The following MACROD2 variants were observed in gnomAD, a reference collection of about 807,000 sequenced individuals.
The protein encoded by MACROD2 is mono-ADP ribosylhydrolase 2.
MACROD2 carries 36 observed loss-of-function variants against 70.4 expected under a neutral mutation model. That is an observed-to-expected ratio of 0.51 (90% CI 0.39 to 0.68). The LOEUF (loss-of-function observed/expected upper bound fraction) is 0.68, where lower values mean the gene tolerates loss of function less well. MACROD2 is among the 30% of genes least tolerant of loss of function. The pLI, the probability that MACROD2 is intolerant of heterozygous loss-of-function variation, is 0.00. For missense variants in MACROD2, 496 were observed against 538.4 expected (o/e 0.92, Z 0.78); for synonymous variants, 172 against 178.8 (o/e 0.96, Z 0.30).
At chr20:14,673,255 G>T (rs1477552222) in intron 4 of MACROD2, among the ~76,000 whole-genome samples, 1 of 152,166 alleles carries the variant, frequency 6.6e-6, no homozygotes, top group African/African-American at 2.4e-5. Context: ...ATGAGAGTCA[G>T]GACTCATGGT....
chr20:14,250,757 A>T (rs1457803026), intron 3 of MACROD2, among the ~76,000 whole-genome samples: 1 of 152,118 alleles, frequency 6.6e-6, no homozygotes, highest in African/African-American at 2.4e-5. Flanking sequence ...GATAATAATA[A>T]CAGTAATGAC....
intron 8 of MACROD2, among the ~76,000 whole-genome samples, chr20:15,747,027 G>A (rs1264279700): frequency 6.6e-6 from 1 of 152,086 alleles, no homozygotes; most frequent in Non-Finnish European, 1.5e-5. Context: ...TGCTAAGAAA[G>A]TTCTAAACAA....
At chr20:15,211,603 C>G (rs561128045) in intron 5 of MACROD2, among the ~76,000 whole-genome samples, 2 of 152,194 alleles carry the variant, frequency 1.3e-5, no homozygotes, top group East Asian at 1.9e-4. Flanking sequence ...CTTCCTCACT[C>G]TCTTGCTCTG....
At chr20:15,655,549 A>T (rs1412969818) in intron 8 of MACROD2, among the ~76,000 whole-genome samples, 2 of 152,200 alleles carry the variant, frequency 1.3e-5, no homozygotes, top group African/African-American at 4.8e-5. Flanking sequence ...ATTTGAAAGA[A>T]GTAATTCACA....
At position 15,892,847 on chromosome 20, in the gene MACROD2, A is replaced by G. The variant is rs1038894773; in HGVS notation, c.775+7036A>G. ...GCGTGTGTGTAGGTTTACTAAGAAGAAAACATTTTTAAATTTCACATAATT... is the reference window on the plus strand; with the variant it reads ...GCGTGTGTGTAGGTTTACTAAGAAGGAAACATTTTTAAATTTCACATAATT... On this transcript the variant is annotated intron_variant, in intron 10 of 17. Transcript: ENST00000684519. 4.4e-4 allele frequency: 176 copies of G among 397,720 alleles called. 1 individual carries two copies. In the East Asian group the frequency reaches 6.3e-3, roughly 14 times the overall value. 24.6% of individuals were successfully genotyped at this position (397,720 alleles called of 1,614,324 possible).
chr20:14,053,078 C>CTTTTT (rs202236012), intron 2 of MACROD2: 1 of 131,060 alleles, frequency 7.6e-6, no homozygotes, highest in Non-Finnish European at 1.6e-5. Flanking sequence ...TTCTCCTCTT[C>CTTTTT]TTTTTTTTTT....
At chr20:14,072,321 G>A (rs2053856057) in intron 2 of MACROD2, among the ~76,000 whole-genome samples, 2 of 152,038 alleles carry the variant, frequency 1.3e-5, no homozygotes, top group South Asian at 4.2e-4. Context: ...GAAGAGATAG[G>A]ACTTAGACAG....
At chr20:15,653,078 A>G (rs560453572) in intron 8 of MACROD2, among the ~76,000 whole-genome samples, 2 of 152,268 alleles carry the variant, frequency 1.3e-5, no homozygotes, top group Admixed American at 1.3e-4. Context: ...ACAAGTACAA[A>G]TTTCTAATTT....
At chr20:15,977,461 T>C (rs2066324339) in intron 13 of MACROD2, among the ~76,000 whole-genome samples, 1 of 152,214 alleles carries the variant, frequency 6.6e-6, no homozygotes, top group South Asian at 2.1e-4. Context: ...CAGGGTTCTC[T>C]GCAACAAATA....
At chr20:14,716,728 A>G (rs2123674455) in intron 5 of MACROD2, among the ~76,000 whole-genome samples, 1 of 152,182 alleles carries the variant, frequency 6.6e-6, no homozygotes, top group Middle Eastern at 3.4e-3. Flanking sequence ...GAAGTGGGTA[A>G]AAAAAATGTG....
chr20:15,184,044 A>G (rs79964807), intron 5 of MACROD2, among the ~76,000 whole-genome samples: 3,882 of 152,270 alleles, frequency 0.025, 69 homozygotes, highest in Non-Finnish European at 0.037. Context: ...ATCAGATGCT[A>G]CTCAGTCTGA....
At chr20:15,924,528 A>G (rs796393749) in intron 10 of MACROD2, among the ~76,000 whole-genome samples, 73 of 152,290 alleles carry the variant, frequency 4.8e-4, no homozygotes, top group African/African-American at 1.7e-3. Context: ...CTGGATGATC[A>G]TCTCTAGCCT....
At chr20:14,506,227 T>A (rs894832628) in intron 4 of MACROD2, among the ~76,000 whole-genome samples, 1 of 152,146 alleles carries the variant, frequency 6.6e-6, no homozygotes, top group African/African-American at 2.4e-5. Context: ...ACTGAGCACA[T>A]GCACAGTGGA....
rs138278050 is a variant in MACROD2, at chr20:15,802,631, C to T, written c.646-60114C>T. Reference sequence around the variant, plus strand: ...AGATATTAAAAAAGCAAGAACAAACCGAATCCAAAATTAACAGAAAAAGAA... The same window carrying T: ...AGATATTAAAAAAGCAAGAACAAACTGAATCCAAAATTAACAGAAAAAGAA... On this transcript the variant is annotated intron_variant, in intron 8 of 17. Coordinates refer to ENST00000684519, the MANE Select transcript of MACROD2 (RefSeq NM_001351661.2). Among the ~76,000 whole-genome samples the T allele has an allele frequency of 2.2e-3, 341 of 151,970 alleles. 6 individuals are homozygous for T. The highest frequency in any genetic ancestry group is 7.7e-3 in the African/African-American group (319 of 41,410).
At chr20:15,139,063 G>A (rs2076172226) in intron 5 of MACROD2, among the ~76,000 whole-genome samples, 2 of 152,124 alleles carry the variant, frequency 1.3e-5, no homozygotes, top group Admixed American at 6.5e-5. Flanking sequence ...CTATTAAATG[G>A]AGGTTTAATG....
intron 3 of MACROD2, among the ~76,000 whole-genome samples, chr20:14,362,707 GAATT>G (rs1461562127): frequency 2.0e-5 from 3 of 152,052 alleles, no homozygotes; most frequent in African/African-American, 7.2e-5. Flanking sequence ...GGGAGGAAGA[GAATT>G]AACGATAGAT....
At chr20:14,570,672 A>G (rs1038404732) in intron 4 of MACROD2, among the ~76,000 whole-genome samples, 2 of 152,022 alleles carry the variant, frequency 1.3e-5, no homozygotes, top group South Asian at 4.1e-4. Flanking sequence ...AATAAAATGC[A>G]TGCTAGTTAT....
intron 5 of MACROD2, among the ~76,000 whole-genome samples, chr20:14,881,740 T>A (rs1182662720): frequency 6.6e-6 from 1 of 151,950 alleles, no homozygotes; most frequent in Non-Finnish European, 1.5e-5. Context: ...TCCTCAGGAG[T>A]TCTGGCTGAG....
chr20:15,278,672 T>A (rs1412897920), intron 6 of MACROD2, among the ~76,000 whole-genome samples: 1 of 152,238 alleles, frequency 6.6e-6, no homozygotes, highest in African/African-American at 2.4e-5. Context: ...TTATTAACTC[T>A]CTGGGGAGGG....
Sources: gnomAD v4.1 joint callset for allele counts (sites outside exome capture counted in the v4.1 genomes callset) on GRCh38, gnomAD v4.1.1 for gene constraint, MANE v1.5 for transcripts, NCBI Gene and HGNC (gene_info 2026-07-23, HGNC 2026-07-21) for gene names.